Variants in SLC4A5 observed in about 807,000 individuals in gnomAD.
The protein encoded by SLC4A5 is electrogenic sodium bicarbonate cotransporter 4.
Under a neutral mutation model 120.4 loss-of-function variants are expected in SLC4A5, and 96 were observed. The ratio of observed to expected loss-of-function variants is 0.80; its 90% CI spans 0.68 to 0.94. The LOEUF is 0.94. Among genes scored for constraint, SLC4A5 ranks in the 40% least tolerant of loss-of-function variants. The probability of loss-of-function intolerance (pLI) is 0.00; values close to 1 mark genes in which losing one functional copy is unlikely to be tolerated. For synonymous variants in SLC4A5, 550 were observed against 571.1 expected, an observed-to-expected ratio of 0.96 and a Z score of 0.53; for missense variants, 1,259 against 1,459.5, an observed-to-expected ratio of 0.86 and a Z score of 2.24.
intron 12 of SLC4A5, 35 bp downstream of exon 12, chr2:74,259,553 C>G: frequency 6.2e-7 from 1 of 1,610,322 alleles, no homozygotes; most frequent in Non-Finnish European, 8.5e-7. Context: ...CCTGCCCTGG[C>G]CCTCCATTGC....
chr2:74,275,033 A>G (rs1671595554), intron 8 of SLC4A5, among the ~76,000 whole-genome samples: 1 of 152,124 alleles, frequency 6.6e-6, no homozygotes, highest in South Asian at 2.1e-4. Context: ...CCCATGGCTG[A>G]CTGATTCCCT....
chr2:74,256,359 G>A (rs1423692441), intron 12 of SLC4A5, among the ~76,000 whole-genome samples: 1 of 152,218 alleles, frequency 6.6e-6, no homozygotes, highest in Non-Finnish European at 1.5e-5. Context: ...GCTGTGGGGA[G>A]GAGGAGGCCT....
At chr2:74,323,411 C>A (rs1237831312) in intron 5 of SLC4A5, among the ~76,000 whole-genome samples, 1 of 152,072 alleles carries the variant, frequency 6.6e-6, no homozygotes, top group Non-Finnish European at 1.5e-5. Context: ...CTAGGAAGTT[C>A]TTTAAAAAAG....
chr2:74,260,673 C>T (rs906152996), intron 11 of SLC4A5, among the ~76,000 whole-genome samples: 1 of 152,090 alleles, frequency 6.6e-6, no homozygotes, highest in African/African-American at 2.4e-5. Context: ...CTACTTCCCA[C>T]CAGTACTTCA....
intron 3 of SLC4A5, among the ~76,000 whole-genome samples, chr2:74,335,581 CA>C (rs2104350553): frequency 6.6e-6 from 1 of 152,246 alleles, no homozygotes; most frequent in Admixed American, 6.5e-5. Flanking sequence ...CTGGCTGGGC[CA>C]AATGATCTTC....
chr2:74,299,246 G>C (rs11126427), intron 7 of SLC4A5, among the ~76,000 whole-genome samples: 19,622 of 152,144 alleles, frequency 0.13, 2,740 homozygotes, highest in East Asian at 0.35. Flanking sequence ...AGATACTCGG[G>C]AGGCTGAGAC....
intron 6 of SLC4A5, chr2:74,307,875 C>A: frequency 4.1e-6 from 2 of 483,936 alleles, no homozygotes; most frequent in South Asian, 3.4e-5. Flanking sequence ...CACAGAGATC[C>A]AGGAACCAGA....
exon 31 of SLC4A5, chr2:74,216,358 A>G (rs1304617225): frequency 6.6e-6 from 1 of 152,230 alleles, no homozygotes; most frequent in Non-Finnish European, 1.5e-5. Context: ...TAAAATGTTC[A>G]TGTATATACA....
At chr2:74,219,176 GGTGTGTGTGTGTGTGTGTGTGTGTGT>G (rs58141033) in intron 30 of SLC4A5, among the ~76,000 whole-genome samples, 1 of 134,264 alleles carries the variant, frequency 7.4e-6, no homozygotes, top group Non-Finnish European at 1.6e-5. Context: ...GCTCTTTGGA[GGTGTGTGTGTGTGTGTGTGTGTGTGT>G]GTGTGTGTGT....
At chr2:74,253,240 C>T in intron 14 of SLC4A5, 112 bp from the exon 15 acceptor site, 1 of 1,271,710 alleles carries the variant, frequency 7.9e-7, no homozygotes, top group Non-Finnish European at 1.1e-6. Flanking sequence ...TCTCCCACTG[C>T]CAACTCACTC....
At chr2:74,321,551 G>T (rs995872061) in intron 5 of SLC4A5, among the ~76,000 whole-genome samples, 25 of 152,040 alleles carry the variant, frequency 1.6e-4, no homozygotes, top group African/African-American at 4.8e-4. Flanking sequence ...GTTGACAAAG[G>T]TGACCCAGAT....
At position 74,229,258 on chromosome 2, in the gene SLC4A5, T is replaced by TG. The variant is rs1553451237; in HGVS notation, c.2848-1381_2848-1380insC. ...GCCGATTCGAAGGTGTTTTTTTTTTTTGGGGGGGGCACGGAGTCTCACTCT... is the reference window on the plus strand; with the variant it reads ...GCCGATTCGAAGGTGTTTTTTTTTTTGTGGGGGGGGCACGGAGTCTCACTCT... On this transcript the variant is annotated intron_variant, in intron 25 of 30. Coordinates refer to ENST00000394019, the Ensembl canonical transcript of SLC4A5. Among the ~76,000 whole-genome samples, 676 of 128,094 alleles carry TG rather than the reference T, an allele frequency of 5.3e-3. 8 individuals are homozygous for TG. Among genetic ancestry groups the TG allele is most frequent in the Middle Eastern group, 0.029 (7 of 244 alleles). The allele number at this position is 128,094 out of a possible 152,430, so 84.0% of individuals were successfully genotyped here.
intron 12 of SLC4A5, among the ~76,000 whole-genome samples, chr2:74,256,619 T>A (rs1415751882): frequency 1.3e-5 from 2 of 152,194 alleles, no homozygotes; most frequent in East Asian, 3.9e-4. Context: ...GCCAGTGGGG[T>A]CTGATGTGAG....
At chr2:74,294,213 T>G (rs1672260071) in intron 7 of SLC4A5, among the ~76,000 whole-genome samples, 2 of 152,266 alleles carry the variant, frequency 1.3e-5, no homozygotes, top group South Asian at 4.1e-4. Context: ...CTTTCCCATC[T>G]GAGTTCCCTA....
At chr2:74,282,223 G>T (rs1671835431) in intron 8 of SLC4A5, among the ~76,000 whole-genome samples, 1 of 152,322 alleles carries the variant, frequency 6.6e-6, no homozygotes. Flanking sequence ...CTAGGGGCTT[G>T]CTGGTCATAC....
intron 6 of SLC4A5, among the ~76,000 whole-genome samples, chr2:74,314,119 T>C (rs769094500): frequency 4.6e-5 from 7 of 152,226 alleles, no homozygotes; most frequent in Non-Finnish European, 1.5e-5. Context: ...GAGATGGCTG[T>C]CAAAAAACTA....
intron 8 of SLC4A5, among the ~76,000 whole-genome samples, chr2:74,270,702 T>A (rs985832537): frequency 6.6e-6 from 1 of 152,008 alleles, no homozygotes; most frequent in Non-Finnish European, 1.5e-5. Context: ...CAAAAACCAA[T>A]GCCTGGATGG....
intron 20 of SLC4A5, 95 bp from the exon 21 acceptor site, chr2:74,239,630 T>C: frequency 7.9e-7 from 1 of 1,261,438 alleles, no homozygotes; most frequent in East Asian, 2.4e-5. Context: ...CAGCATACCT[T>C]CCCACCCTCT....
In SLC4A5 at chr2:74,309,952, G is replaced by A. The variant is rs193093408; in HGVS notation, c.79+4993C>T. ...GCTGGGATTACAGGCATGAGCCACC[G>A]TGCCTGGCCAAAATATTTTTTCATT... On this transcript the variant is annotated intron_variant, in intron 6 of 30. Transcript: ENST00000394019. Among the ~76,000 whole-genome samples, 355 of 152,086 alleles carry A rather than the reference G, an allele frequency of 2.3e-3. 4 individuals are homozygous for A. The highest frequency in any genetic ancestry group is 8.2e-3 in the African/African-American group (339 of 41,492).
Sources: allele counts gnomAD v4.1 joint callset (sites outside exome capture counted in the v4.1 genomes callset), GRCh38; gene constraint gnomAD v4.1.1; transcripts MANE v1.5; gene names NCBI Gene and HGNC (gene_info 2026-07-23, HGNC 2026-07-21).